Variants in RORB observed in about 807,000 individuals in gnomAD.
RORB encodes the protein nuclear receptor ROR-beta.
RORB carries 6 observed loss-of-function variants against 59.1 expected under a neutral mutation model. The ratio of observed to expected loss-of-function variants is 0.10; its 90% CI spans 0.06 to 0.20. The LOEUF (loss-of-function observed/expected upper bound fraction) is 0.20, where lower values mean the gene tolerates loss of function less well. RORB is among the 10% of genes least tolerant of loss of function. The pLI is 1.00. For synonymous variants in RORB, 215 were observed against 204.5 expected (o/e 1.05, Z -0.44); for missense variants, 320 against 560.5 (o/e 0.57, Z 4.33).
At position 74,608,634 on chromosome 9, in the gene RORB, C is replaced by A. The variant is rs186385289; in HGVS notation, c.8-21648C>A. On this transcript the variant is annotated intron_variant, in intron 1 of 9. Coordinates refer to ENST00000376896, the MANE Select transcript of RORB (RefSeq NM_006914.4). ...TTATCTGTGTTATCTGTATAACTTT[C>A]CCTCTGATGAAAAATAAATAGAAGT... Among the ~76,000 whole-genome samples, 223 of 151,648 alleles carry A rather than the reference C, an allele frequency of 1.5e-3. 1 individual carries two copies. The highest frequency in any genetic ancestry group is 5.0e-3 in the African/African-American group (208 of 41,378).
At chr9:74,524,684 T>C (rs1826132225) in intron 1 of RORB, among the ~76,000 whole-genome samples, 1 of 151,906 alleles carries the variant, frequency 6.6e-6, no homozygotes, top group Non-Finnish European at 1.5e-5. Context: ...TGTCGGGTAA[T>C]CAAAGCTTAG....
chr9:74,609,667 T>G (rs1203382472), intron 1 of RORB, among the ~76,000 whole-genome samples: 1 of 152,212 alleles, frequency 6.6e-6, no homozygotes, highest in African/African-American at 2.4e-5. Flanking sequence ...AAACTGAACT[T>G]TATCAGCTGG....
chr9:74,610,603 T>G (rs1171856192), intron 1 of RORB, among the ~76,000 whole-genome samples: 1 of 152,190 alleles, frequency 6.6e-6, no homozygotes, highest in African/African-American at 2.4e-5. Flanking sequence ...AACATATTAA[T>G]TTGGGGGAGA....
At chr9:74,605,319 A>G (rs1823131860) in intron 1 of RORB, among the ~76,000 whole-genome samples, 1 of 152,192 alleles carries the variant, frequency 6.6e-6, no homozygotes, top group South Asian at 2.1e-4. Context: ...GAGGGTTAGG[A>G]GGATTGTAGA....
intron 1 of RORB, among the ~76,000 whole-genome samples, chr9:74,555,075 C>T (rs1822266138): frequency 6.6e-6 from 1 of 152,214 alleles, no homozygotes; most frequent in Non-Finnish European, 1.5e-5. Flanking sequence ...ATGCTAATTG[C>T]ATGGCCTGGC....
At chr9:74,515,360 C>G (rs1825993353) in intron 1 of RORB, among the ~76,000 whole-genome samples, 1 of 151,488 alleles carries the variant, frequency 6.6e-6, no homozygotes, top group African/African-American at 2.4e-5. Context: ...GAATTCAGAC[C>G]CAGGCACTCT....
chr9:74,579,832 A>G (rs1702684150), intron 1 of RORB, among the ~76,000 whole-genome samples: 1 of 152,168 alleles, frequency 6.6e-6, no homozygotes, highest in South Asian at 2.1e-4. Flanking sequence ...ACATTGCGAG[A>G]GCAAGAGCGG....
chr9:74,690,052 T>C lies in RORB; in HGVS notation c.*4434T>C, dbSNP rs1824714402. 1 of 152,174 alleles carries C rather than the reference T, an allele frequency of 6.6e-6. No homozygotes were observed. The highest frequency in any genetic ancestry group is 6.5e-5 in the Admixed American group (1 of 15,270). 9.4% of individuals were successfully genotyped at this position (152,174 alleles called of 1,614,324 possible). A position where few individuals can be genotyped will look rare whatever the true frequency, so the allele number is the denominator to read the frequency against. On this transcript the variant is annotated 3_prime_UTR_variant, in exon 10 of 10. Transcript: ENST00000376896. The stretch of plus-strand genomic sequence containing the variant: ...GTGCCCTAACAGAAGCACCGTTCAA[T>C]AGAACAGCAATAACCTTAAAGTGTG...
intron 1 of RORB, among the ~76,000 whole-genome samples, chr9:74,588,775 A>C (rs553917254): frequency 6.6e-6 from 1 of 152,338 alleles, no homozygotes; most frequent in South Asian, 2.1e-4. Context: ...GCTAAAGCAC[A>C]TGTATTACCT....
chr9:74,589,014 T>C (rs1022416705), intron 1 of RORB, among the ~76,000 whole-genome samples: 2 of 152,100 alleles, frequency 1.3e-5, no homozygotes, highest in Admixed American at 1.3e-4. Context: ...ATTGTAACCA[T>C]AATTTTCCTT....
chr9:74,615,598 A>G (rs1823300600), intron 1 of RORB: 1 of 454,602 alleles, frequency 2.2e-6, no homozygotes, highest in Non-Finnish European at 4.4e-6. Flanking sequence ...TGCTACGTCA[A>G]AATGTGTGAG....
chr9:74,515,790 T>G (rs1269171295), intron 1 of RORB, among the ~76,000 whole-genome samples: 1 of 152,054 alleles, frequency 6.6e-6, no homozygotes, highest in Non-Finnish European at 1.5e-5. Flanking sequence ...AAAAGCTGGA[T>G]GAGTTAAAAA....
chr9:74,527,357 G>A (rs905457455), intron 1 of RORB, among the ~76,000 whole-genome samples: 3 of 151,802 alleles, frequency 2.0e-5, no homozygotes, highest in African/African-American at 7.3e-5. Flanking sequence ...CCAAAATCTG[G>A]GAATCAAGCA....
Position 74,686,229 on chromosome 9 carries a change from T to C in RORB, c.*611T>C, listed in dbSNP as rs538589692. On this transcript the variant is annotated 3_prime_UTR_variant, in exon 10 of 10. Transcript: ENST00000376896. ...ATGATTTACCTTCTGTGTTATATGT[T>C]ACCTTTATGTTAGACAATCAGGATT... 5.2e-5 allele frequency: 8 copies of C among 152,802 alleles called. No individual in the cohort carries two copies. Among genetic ancestry groups the C allele is most frequent in the Non-Finnish European group, 1.5e-5 (1 of 68,040 alleles). The allele number at this position is 152,802 out of a possible 1,614,324, so 9.5% of individuals were successfully genotyped here.
intron 1 of RORB, among the ~76,000 whole-genome samples, chr9:74,600,658 T>A (rs1328915467): frequency 2.0e-5 from 3 of 152,238 alleles, no homozygotes; most frequent in African/African-American, 7.2e-5. Flanking sequence ...TAGACTCAGA[T>A]ATCAAGATAT....
intron 1 of RORB, among the ~76,000 whole-genome samples, chr9:74,569,075 T>C (rs1822512053): frequency 6.6e-6 from 1 of 152,066 alleles, no homozygotes. Context: ...ATATAAACCA[T>C]TGATATATTA....
chr9:74,611,739 C>T (rs1024090352), intron 1 of RORB, among the ~76,000 whole-genome samples: 5 of 152,182 alleles, frequency 3.3e-5, no homozygotes, highest in Non-Finnish European at 7.3e-5. Context: ...CCTCCACCTC[C>T]CAGGCTCAAG....
intron 1 of RORB, among the ~76,000 whole-genome samples, chr9:74,589,031 G>T (rs903488346): frequency 2.6e-5 from 4 of 152,062 alleles, no homozygotes; most frequent in African/African-American, 9.7e-5. Flanking sequence ...CCTTTAAAAT[G>T]AAACATGATG....
chr9:74,547,416 C>A (rs116777659), intron 1 of RORB, among the ~76,000 whole-genome samples: 27 of 152,114 alleles, frequency 1.8e-4, no homozygotes, highest in South Asian at 6.2e-4. Flanking sequence ...GGACCGAAGA[C>A]CTTCTACCAA....
Sources: allele counts gnomAD v4.1 joint callset (sites outside exome capture counted in the v4.1 genomes callset), GRCh38; gene constraint gnomAD v4.1.1; transcripts MANE v1.5; gene names NCBI Gene and HGNC (gene_info 2026-07-23, HGNC 2026-07-21).